DOCK4: variants seen among roughly 807,000 people sequenced by gnomAD.
DOCK4 encodes the protein dedicator of cytokinesis protein 4.
In DOCK4, 97 loss-of-function variants were observed where a neutral mutation model predicts 268.1. The ratio of observed to expected loss-of-function variants is 0.36; its 90% confidence interval spans 0.31 to 0.43. DOCK4 has a LOEUF of 0.43. Ranked by LOEUF, DOCK4 falls within the 20% of genes least tolerant of loss-of-function variation. The probability of loss-of-function intolerance (pLI) is 1.00; values close to 1 mark genes in which losing one functional copy is unlikely to be tolerated. For missense variants in DOCK4, 2,145 were observed against 2,455.7 expected (o/e 0.87, Z 2.67); for synonymous variants, 954 against 887.2 (o/e 1.08, Z -1.34).
chr7:111,835,680 T>C (rs752284628), intron 25 of DOCK4, among the ~76,000 whole-genome samples: 16 of 152,126 alleles, frequency 1.1e-4, no homozygotes, highest in Non-Finnish European at 1.6e-4. Flanking sequence ...AGAAGTGCAA[T>C]TTAATTGGGA....
At chr7:112,123,984 T>C (rs1177910202) in intron 1 of DOCK4, among the ~76,000 whole-genome samples, 1 of 152,124 alleles carries the variant, frequency 6.6e-6, no homozygotes, top group Non-Finnish European at 1.5e-5. Flanking sequence ...AAGTGTATCA[T>C]GAGGATAGGG....
chr7:111,858,583 C>T (rs1437854194), intron 23 of DOCK4, among the ~76,000 whole-genome samples: 1 of 152,164 alleles, frequency 6.6e-6, no homozygotes, highest in Admixed American at 6.5e-5. Context: ...CAATGGTCTT[C>T]TCTTGCATTT....
At chr7:112,101,845 CTT>C (rs72188849) in intron 1 of DOCK4, among the ~76,000 whole-genome samples, 50 of 146,304 alleles carry the variant, frequency 3.4e-4, no homozygotes, top group Non-Finnish European at 4.1e-4. Context: ...TTTTCTTTTT[CTT>C]TTTTTTTTTT....
chr7:111,746,271 GC>G (rs1436687048), intron 44 of DOCK4, 62 bp downstream of exon 44: 2 of 1,341,446 alleles, frequency 1.5e-6, no homozygotes, highest in African/African-American at 2.9e-5. Context: ...TGCAGAGGGG[GC>G]TCTAGGTAAG....
chr7:111,902,221 T>C (rs1401514328), intron 13 of DOCK4, among the ~76,000 whole-genome samples: 1 of 152,206 alleles, frequency 6.6e-6, no homozygotes, highest in African/African-American at 2.4e-5. Flanking sequence ...AGTAAAATAA[T>C]AGGACTGTAA....
chr7:112,109,392 A>G (rs849014), intron 1 of DOCK4, among the ~76,000 whole-genome samples: 51,230 of 152,064 alleles, frequency 0.34, 10,256 homozygotes, highest in Non-Finnish European at 0.45. Context: ...CAGGCCCCCC[A>G]ATAAGTCACA....
chr7:112,031,880 G>A (rs1034666404), intron 1 of DOCK4, among the ~76,000 whole-genome samples: 4 of 152,046 alleles, frequency 2.6e-5, no homozygotes, highest in East Asian at 3.8e-4. Context: ...ATACATGCAC[G>A]GTACCTTACA....
At chr7:112,095,926 A>G (rs1416608989) in intron 1 of DOCK4, among the ~76,000 whole-genome samples, 5 of 152,022 alleles carry the variant, frequency 3.3e-5, no homozygotes, top group Admixed American at 3.3e-4. Context: ...TACTGAAAAT[A>G]GCCTCTACTA....
At chr7:112,195,624 AT>A (rs1231905228) in intron 1 of DOCK4, among the ~76,000 whole-genome samples, 1 of 151,850 alleles carries the variant, frequency 6.6e-6, no homozygotes, top group Non-Finnish European at 1.5e-5. Flanking sequence ...CGGTTGCCTT[AT>A]GTACATGCAT....
At chr7:112,204,620 C>T (rs1193542937) in intron 1 of DOCK4, among the ~76,000 whole-genome samples, 1 of 152,120 alleles carries the variant, frequency 6.6e-6, no homozygotes, top group Non-Finnish European at 1.5e-5. Context: ...TCAGGTCAAA[C>T]TATTGTCTTG....
At chr7:111,879,464 C>T (rs1031434358) in intron 16 of DOCK4, among the ~76,000 whole-genome samples, 1 of 152,106 alleles carries the variant, frequency 6.6e-6, no homozygotes, top group African/African-American at 2.4e-5. Context: ...GGGGCTTTGC[C>T]TTGTACCTTA....
intron 1 of DOCK4, among the ~76,000 whole-genome samples, chr7:112,133,553 G>A (rs552265039): frequency 1.3e-4 from 20 of 152,092 alleles, no homozygotes; most frequent in Non-Finnish European, 2.6e-4. Flanking sequence ...GGGACATGGT[G>A]ACACCCGTCT....
At position 111,728,446 on chromosome 7, in the gene DOCK4, A is replaced by C. The variant is rs761891259; in HGVS notation, c.5756T>G (p.Leu1919Arg). The change falls in exon 53 of 53, where the codon CTG becomes CGG. Residue 1919 changes from leucine (L) to arginine (R), a missense_variant. Leu to Arg is a moderately radical substitution (Grantham distance 102). Around this residue, in one of 2 missense-constraint regions of DOCK4, gnomAD observed 547 missense variants for 469.0 expected, o/e 1.17. Coordinates refer to ENST00000428084, the MANE Select transcript of DOCK4 (RefSeq NM_001363540.2). Reference protein sequence around the residue: ...PPPYSVYERTLRRPVPLPHSL... With the variant: ...PPPYSVYERTRRRPVPLPHSL... Reference sequence around the variant, plus strand: ...GTGAGGTAGCGGGACGGGGCGCCGCAGAGTCCGCTCGTAGACGCTGTACGG... The same window carrying C: ...GTGAGGTAGCGGGACGGGGCGCCGCCGAGTCCGCTCGTAGACGCTGTACGG... 2 of 1,602,122 alleles carry C rather than the reference A, an allele frequency of 1.2e-6. No individual in the cohort carries two copies. The highest frequency in any genetic ancestry group is 1.7e-6 in the Non-Finnish European group (2 of 1,173,348).
At position 111,991,961 on chromosome 7, in the gene DOCK4, C is replaced by CAAAAAAAA. The variant is rs60667093; in HGVS notation, c.315+2166_315+2173dup. ...GGGCAACAGAGAGAGACTCTGTCTCCAAAAAAAAAAAAAAAAAAAAAAAAA... is the reference window on the plus strand; with the variant it reads ...GGGCAACAGAGAGAGACTCTGTCTCCAAAAAAAAAAAAAAAAAAAAAAAAAAAAAAAAA... On this transcript the variant is annotated intron_variant, in intron 5 of 52. Coordinates refer to ENST00000428084, the MANE Select transcript of DOCK4 (RefSeq NM_001363540.2). Among the ~76,000 whole-genome samples the CAAAAAAAA allele has an allele frequency of 1.8e-3, 91 of 50,918 alleles. 1 individual carries two copies. Among genetic ancestry groups the CAAAAAAAA allele is most frequent in the East Asian group, 0.014 (19 of 1,380 alleles). 33.4% of individuals were successfully genotyped at this position (50,918 alleles called of 152,430 possible). A position where few individuals can be genotyped will look rare whatever the true frequency, so the allele number is the denominator to read the frequency against.
intron 1 of DOCK4, 146 bp downstream of exon 1, chr7:112,205,956 G>T: frequency 1.1e-6 from 1 of 881,562 alleles, no homozygotes; most frequent in Non-Finnish European, 1.8e-6. Flanking sequence ...GCCTGGAGCT[G>T]GCTCGGCAAA....
intron 15 of DOCK4, among the ~76,000 whole-genome samples, 200 bp from the exon 16 acceptor site, chr7:111,895,918 A>G (rs1194571955): frequency 6.6e-6 from 1 of 152,026 alleles, no homozygotes; most frequent in Admixed American, 6.6e-5. Flanking sequence ...TGCAACTTAC[A>G]TTTCTTGCCT....
intron 7 of DOCK4, 100 bp from the exon 8 acceptor site, chr7:111,977,383 G>A (rs1280542010): frequency 3.1e-6 from 4 of 1,291,762 alleles, no homozygotes; most frequent in South Asian, 1.9e-5. Context: ...GATGTCCTAC[G>A]CCATAACTTT....
chr7:111,996,235 C>T (rs1267227563), intron 4 of DOCK4, among the ~76,000 whole-genome samples: 10 of 152,224 alleles, frequency 6.6e-5, no homozygotes, highest in South Asian at 2.1e-4. Context: ...AGAACATACA[C>T]GCAATTCAGT....
intron 41 of DOCK4, 50 bp from the exon 42 acceptor site, chr7:111,755,651 C>T: frequency 1.3e-6 from 2 of 1,547,792 alleles, no homozygotes; most frequent in Non-Finnish European, 1.8e-6. Flanking sequence ...TTCTTTCTAG[C>T]TACTTCCATG....
Sources: gnomAD v4.1 joint callset for allele counts (sites outside exome capture counted in the v4.1 genomes callset) on GRCh38, gnomAD v4.1.1 for gene constraint, gnomAD v4.1.1 regional missense constraint, MANE v1.5 for transcripts, NCBI Gene and HGNC (gene_info 2026-07-23, HGNC 2026-07-21) for gene names.